The following PTPRM variants were observed in gnomAD, a reference collection of about 807,000 sequenced individuals.
PTPRM encodes the protein protein tyrosine phosphatase receptor type M, also known as receptor-type tyrosine-protein phosphatase mu.
A neutral mutation model predicts 186.7 loss-of-function variants in PTPRM; 47 were observed. The ratio of observed to expected loss-of-function variants is 0.25; its 90% confidence interval spans 0.20 to 0.32. The LOEUF (loss-of-function observed/expected upper bound fraction) is 0.32. Ranked by LOEUF, PTPRM falls within the 10% of genes least tolerant of loss-of-function variation. The probability of loss-of-function intolerance (pLI) is 1.00; values close to 1 mark genes in which losing one functional copy is unlikely to be tolerated. For missense variants in PTPRM, 1,494 were observed against 1,865.0 expected (o/e 0.80, Z 3.66); for synonymous variants, 668 against 674.9 (o/e 0.99, Z 0.16).
At chr18:8,150,938 G>T (rs1201855865) in intron 14 of PTPRM, among the ~76,000 whole-genome samples, 1 of 152,124 alleles carries the variant, frequency 6.6e-6, no homozygotes, top group East Asian at 1.9e-4. Context: ...GACCTTGTTT[G>T]CCTGGGTATC....
intron 7 of PTPRM, among the ~76,000 whole-genome samples, chr18:7,966,943 T>C (rs1479183485): frequency 5.7e-5 from 7 of 123,412 alleles, no homozygotes; most frequent in South Asian, 2.8e-4. Context: ...TCGAACTGGG[T>C]GGAGCCCACC....
intron 13 of PTPRM, among the ~76,000 whole-genome samples, chr18:8,136,142 A>G (rs1048344132): frequency 1.2e-4 from 18 of 152,228 alleles, no homozygotes; most frequent in African/African-American, 2.4e-4. Context: ...GGAAACTTCC[A>G]TTCTGAACTA....
At chr18:7,896,189 T>G (rs2146440470) in intron 3 of PTPRM, among the ~76,000 whole-genome samples, 1 of 152,304 alleles carries the variant, frequency 6.6e-6, no homozygotes, top group Middle Eastern at 3.4e-3. Flanking sequence ...GGCACCTGCC[T>G]CCTTTGATTT....
At chr18:7,922,292 C>T (rs1316917988) in intron 4 of PTPRM, among the ~76,000 whole-genome samples, 1 of 152,212 alleles carries the variant, frequency 6.6e-6, no homozygotes, top group Non-Finnish European at 1.5e-5. Flanking sequence ...TTTGGCATCC[C>T]TTTGGCCAAG....
At chr18:7,916,646 TAAA>T (rs538286169) in intron 4 of PTPRM, among the ~76,000 whole-genome samples, 117 of 152,226 alleles carry the variant, frequency 7.7e-4, no homozygotes, top group African/African-American at 2.7e-3. Context: ...TTTTAAATAA[TAAA>T]AACAAAAAAT....
rs762894793 is a variant in PTPRM, at chr18:8,085,858, C to T, written c.1739C>T (p.Thr580Ile). The T allele has an allele frequency of 6.2e-7, 1 of 1,612,772 alleles. No homozygotes were observed. The highest frequency in any genetic ancestry group is 1.1e-5 in the South Asian group (1 of 91,060). Residue 580 changes from threonine to isoleucine, a missense_variant, in exon 10 of 33, where the codon ACC becomes ATC. Thr to Ile is a moderately conservative substitution (Grantham distance 89). Transcript: ENST00000580170. The stretch of plus-strand genomic sequence containing the variant: ...GGGCCTCCAGCAACAAACCAGTTCA[C>T]CACCAAAATATCAGGTACTCTACAT... ...GFGPPATNQF[T>I]TKISAPSMPA...
At position 8,105,474 on chromosome 18, in the gene PTPRM, A is replaced by G. The variant is rs115419994; in HGVS notation, c.1857-8012A>G. Among the ~76,000 whole-genome samples, 475 of 152,310 alleles carry G rather than the reference A, an allele frequency of 3.1e-3. 3 individuals carry two copies. The highest frequency in any genetic ancestry group is 0.011 in the African/African-American group (450 of 41,530). On this transcript the variant is annotated intron_variant, in intron 11 of 32. Transcript: ENST00000580170. ...GAAGCTTTAAAAATGGCAGAGGAAG[A>G]TAATAATAATAGAGTAGATGTATTT...
intron 20 of PTPRM, among the ~76,000 whole-genome samples, chr18:8,301,925 G>A (rs925561784): frequency 3.9e-5 from 6 of 152,228 alleles, no homozygotes; most frequent in South Asian, 2.1e-4. Flanking sequence ...GTGAGAAGAC[G>A]GAGGAGTGTG....
intron 23 of PTPRM, among the ~76,000 whole-genome samples, chr18:8,362,131 G>T (rs1568830209): frequency 1.3e-5 from 2 of 152,080 alleles, no homozygotes; most frequent in African/African-American, 2.4e-5. Context: ...CAAGCAAGCC[G>T]CTGGTGATGG....
chr18:7,737,593 C>T (rs2040798754), intron 1 of PTPRM, among the ~76,000 whole-genome samples: 1 of 152,194 alleles, frequency 6.6e-6, no homozygotes, highest in Non-Finnish European at 1.5e-5. Context: ...GTTAAAATAC[C>T]TGTGGACTGG....
rs146709351 is a variant in PTPRM at position 8,402,412 on chromosome 18, C to T, written c.4345-3697C>T. ...CTTCCAAGCAGCAGCTCCTTAGCAG[C>T]GAAGCCCAAAATCCCTCCTGAGTTT... On this transcript the variant is annotated intron_variant, in intron 32 of 32. Coordinates refer to ENST00000580170, the MANE Select transcript of PTPRM (RefSeq NM_001105244.2). Among the ~76,000 whole-genome samples, 3 of 152,328 alleles carry T rather than the reference C, an allele frequency of 2.0e-5. No individual in the cohort carries two copies. The East Asian group carries it at 5.8e-4, about 29-fold the overall frequency.
intron 1 of PTPRM, among the ~76,000 whole-genome samples, chr18:7,734,001 C>T (rs1315179400): frequency 6.6e-6 from 1 of 152,212 alleles, no homozygotes; most frequent in African/African-American, 2.4e-5. Flanking sequence ...GACTACCTTA[C>T]CTACCATAGA....
At chr18:8,259,770 C>T (rs549957893) in intron 19 of PTPRM, among the ~76,000 whole-genome samples, 1 of 152,170 alleles carries the variant, frequency 6.6e-6, no homozygotes, top group Non-Finnish European at 1.5e-5. Flanking sequence ...AACCCAGCCT[C>T]CCAAGTAGCT....
chr18:7,613,115 T>A (rs140897374), intron 1 of PTPRM, among the ~76,000 whole-genome samples: 18 of 152,272 alleles, frequency 1.2e-4, no homozygotes, highest in African/African-American at 4.3e-4. Context: ...CCTGGGAAGA[T>A]AGGTTTGCTT....
chr18:7,842,081 A>T lies in PTPRM; in HGVS notation c.197-46025A>T, dbSNP rs148571958. Among the ~76,000 whole-genome samples the T allele has an allele frequency of 4.8e-4, 73 of 152,208 alleles. 1 individual carries two copies. The East Asian group carries it at 0.013, about 28-fold the overall frequency. ...GGAGCTGAAGAAGTTGATGACTTAG[A>T]TCCATGTTCCCAGAAACACCAAGCA... On this transcript the variant is annotated intron_variant, in intron 2 of 32. Coordinates refer to ENST00000580170, the MANE Select transcript of PTPRM (RefSeq NM_001105244.2).
At chr18:8,004,000 T>G (rs2084023011) in intron 7 of PTPRM, among the ~76,000 whole-genome samples, 1 of 152,328 alleles carries the variant, frequency 6.6e-6, no homozygotes, top group African/African-American at 2.4e-5. Flanking sequence ...ACTTTTCTGA[T>G]GGCCCAGTGT....
intron 7 of PTPRM, among the ~76,000 whole-genome samples, chr18:7,958,401 G>A (rs78011679): frequency 0.022 from 3,276 of 152,222 alleles, 46 homozygotes; most frequent in African/African-American, 0.044. Flanking sequence ...GAGCAATCAG[G>A]ATAGGAAAGG....
chr18:7,742,887 A>C (rs2040911469), intron 1 of PTPRM, among the ~76,000 whole-genome samples: 1 of 152,228 alleles, frequency 6.6e-6, no homozygotes, highest in Non-Finnish European at 1.5e-5. Flanking sequence ...GTAAAAATTT[A>C]ATTTAAAAAT....
intron 1 of PTPRM, among the ~76,000 whole-genome samples, chr18:7,717,746 A>G (rs1035164050): frequency 3.3e-5 from 5 of 152,204 alleles, no homozygotes; most frequent in South Asian, 2.1e-4. Context: ...GTGGGGCTTC[A>G]TGGAGTTTGC....
Sources: gnomAD v4.1 joint callset for allele counts (sites outside exome capture counted in the v4.1 genomes callset) on GRCh38, gnomAD v4.1.1 for gene constraint, MANE v1.5 for transcripts, NCBI Gene and HGNC (gene_info 2026-07-23, HGNC 2026-07-21) for gene names.